Variants in ZSCAN5A observed in about 807,000 individuals in gnomAD.
ZSCAN5A encodes the protein zinc finger and SCAN domain containing 5A, also known as zinc finger and SCAN domain-containing protein 5A.
ZSCAN5A carries 12 observed loss-of-function variants against 23.7 expected under a neutral mutation model. The observed-to-expected ratio is 0.51, with a 90% CI of 0.32 to 0.82. The LOEUF (loss-of-function observed/expected upper bound fraction) is 0.82, where lower values mean the gene tolerates loss of function less well. Ranked by LOEUF, ZSCAN5A falls within the 40% of genes least tolerant of loss-of-function variation. The pLI is 0.03. For missense variants in ZSCAN5A, 597 were observed against 617.9 expected (o/e 0.97, Z 0.36); for synonymous variants, 257 against 239.9 (o/e 1.07, Z -0.66).
intron 2 of ZSCAN5A, among the ~76,000 whole-genome samples, chr19:56,239,071 A>G (rs1354443833): frequency 6.6e-6 from 1 of 152,252 alleles, no homozygotes; most frequent in East Asian, 1.9e-4. Context: ...TGTGTCGGGC[A>G]CTTTACTGAC....
chr19:56,318,834 T>C (rs117960360), upstream of ZSCAN5A, among the ~76,000 whole-genome samples: 240 of 152,280 alleles, frequency 1.6e-3, 2 homozygotes, highest in East Asian at 0.031. Context: ...TCAGTATAAA[T>C]TGATTGAAAG....
chr19:56,223,964 T>C (rs2033621731), intron 3 of ZSCAN5A, 130 bp from the exon 4 acceptor site: 2 of 860,470 alleles, frequency 2.3e-6, no homozygotes, highest in Admixed American at 5.2e-5. Flanking sequence ...CAATAGAGAG[T>C]CAGCTCTGTG....
At chr19:56,353,660 T>A (rs2041683075) in intron 2 of ZSCAN5A, among the ~76,000 whole-genome samples, 1 of 151,884 alleles carries the variant, frequency 6.6e-6, no homozygotes, top group Admixed American at 6.6e-5. Context: ...CAGGCACCTG[T>A]AGTCCCAGCT....
rs111368009 is a variant in ZSCAN5A at position 56,227,781 on chromosome 19, A to C, written c.-127-2608T>G. ...TTTTTAAAAAGGGTGTGTGGCAGGC[A>C]AAGTGGCTCAGGCCTGTAATTCTAA... On this transcript the variant is annotated intron_variant, in intron 2 of 5. Transcript: ENST00000683990. Among the ~76,000 whole-genome samples the C allele has an allele frequency of 7.7e-3, 1,168 of 152,326 alleles. 4 individuals carry two copies. Among genetic ancestry groups the C allele is most frequent in the Non-Finnish European group, 0.013 (873 of 68,028 alleles).
chr19:56,355,502 C>A (rs1229665000), intron 2 of ZSCAN5A, among the ~76,000 whole-genome samples: 1 of 148,332 alleles, frequency 6.7e-6, no homozygotes, highest in Non-Finnish European at 1.5e-5. Context: ...TTAGCTGATG[C>A]TTAAAACATT....
intron 2 of ZSCAN5A, among the ~76,000 whole-genome samples, chr19:56,291,572 G>A (rs560496185): frequency 3.6e-4 from 54 of 152,070 alleles, no homozygotes; most frequent in Non-Finnish European, 5.7e-4. Context: ...TTCCTCCACT[G>A]CTGCCCAACA....
At chr19:56,228,459 A>C in intron 2 of ZSCAN5A, 2 of 984,164 alleles carry the variant, frequency 2.0e-6, no homozygotes, top group South Asian at 9.4e-5. Flanking sequence ...CACCCACAGG[A>C]AATTAATGTA....
chr19:56,252,251 G>A (rs2036396057), intron 2 of ZSCAN5A, among the ~76,000 whole-genome samples: 1 of 152,180 alleles, frequency 6.6e-6, no homozygotes, highest in South Asian at 2.1e-4. Context: ...GAGAGAAAAA[G>A]GAGAACTGAT....
intron 2 of ZSCAN5A, among the ~76,000 whole-genome samples, chr19:56,357,469 A>G (rs1270443468): frequency 1.4e-5 from 2 of 147,972 alleles, no homozygotes; most frequent in African/African-American, 5.1e-5. Context: ...ACCTTCACCC[A>G]TCTTTATGTT....
chr19:56,269,039 C>T (rs949396273), intron 2 of ZSCAN5A, among the ~76,000 whole-genome samples: 7 of 152,102 alleles, frequency 4.6e-5, no homozygotes, highest in South Asian at 2.1e-4. Context: ...GATGGACATT[C>T]GAATCATTTC....
intron 2 of ZSCAN5A, among the ~76,000 whole-genome samples, chr19:56,303,586 T>C (rs904521776): frequency 1.3e-5 from 2 of 152,028 alleles, no homozygotes; most frequent in African/African-American, 2.4e-5. Context: ...CCTTCATTCA[T>C]TGATTCAGTC....
chr19:56,330,691 TGTTTA>T (rs969059521), intron 2 of ZSCAN5A, among the ~76,000 whole-genome samples: 2 of 152,176 alleles, frequency 1.3e-5, no homozygotes, highest in African/African-American at 2.4e-5. Flanking sequence ...TATTTTTGCT[TGTTTA>T]GTTGTTTACT....
At chr19:56,356,303 G>A (rs1208299373) in intron 2 of ZSCAN5A, among the ~76,000 whole-genome samples, 1 of 148,590 alleles carries the variant, frequency 6.7e-6, no homozygotes, top group Non-Finnish European at 1.5e-5. Flanking sequence ...ATCAGTGGTG[G>A]GAATTACGTG....
chr19:56,248,837 A>T (rs951947437), intron 2 of ZSCAN5A, among the ~76,000 whole-genome samples: 9 of 152,086 alleles, frequency 5.9e-5, no homozygotes, highest in African/African-American at 2.2e-4. Context: ...CCCGCCCAGC[A>T]TCCCCAGCAG....
intron 2 of ZSCAN5A, chr19:56,246,515 G>A (rs761021820): frequency 1.6e-4 from 109 of 661,394 alleles, no homozygotes; most frequent in Admixed American, 4.4e-4. Flanking sequence ...CTCTTCTGGG[G>A]TGTGGGGCTG....
intron 2 of ZSCAN5A, among the ~76,000 whole-genome samples, chr19:56,307,308 C>T (rs1004453227): frequency 1.3e-5 from 2 of 152,180 alleles, no homozygotes; most frequent in African/African-American, 2.4e-5. Flanking sequence ...TATACCCCCA[C>T]CCCCTGCTGC....
intron 2 of ZSCAN5A, among the ~76,000 whole-genome samples, chr19:56,322,525 C>T (rs1211837047): frequency 1.3e-5 from 2 of 152,236 alleles, no homozygotes; most frequent in African/African-American, 4.8e-5. Context: ...AAAACTTCCA[C>T]TACAGTGTCT....
intron 2 of ZSCAN5A, among the ~76,000 whole-genome samples, chr19:56,345,949 A>G (rs929261886): frequency 6.6e-6 from 1 of 152,106 alleles, no homozygotes; most frequent in African/African-American, 2.4e-5. Context: ...TTCTGTTTAC[A>G]CTCTTGGGGT....
intron 2 of ZSCAN5A, among the ~76,000 whole-genome samples, chr19:56,257,332 G>A (rs1262157214): frequency 2.0e-5 from 3 of 152,218 alleles, no homozygotes; most frequent in African/African-American, 7.2e-5. Flanking sequence ...AGGGAGGCAG[G>A]TGGAGATGAA....
Sources: gnomAD v4.1 joint callset for allele counts (sites outside exome capture counted in the v4.1 genomes callset) on GRCh38, gnomAD v4.1.1 for gene constraint, MANE v1.5 for transcripts, NCBI Gene and HGNC (gene_info 2026-07-23, HGNC 2026-07-21) for gene names.